AUTS2: variants seen among roughly 807,000 people sequenced by gnomAD.
AUTS2 encodes autism susceptibility gene 2 protein.
AUTS2 carries 17 observed loss-of-function variants against 112.4 expected under a neutral mutation model. The ratio of observed to expected loss-of-function variants is 0.15; its 90% CI spans 0.10 to 0.23. AUTS2 has a LOEUF of 0.23. Ranked by LOEUF, AUTS2 falls within the 10% of genes least tolerant of loss-of-function variation. The pLI is 1.00. For synonymous variants in AUTS2, 751 were observed against 702.7 expected, an observed-to-expected ratio of 1.07 and a Z score of -1.09; for missense variants, 1,510 against 1,701.6, an observed-to-expected ratio of 0.89 and a Z score of 1.98.
rs113574274 is a variant in AUTS2 at position 70,506,071 on chromosome 7, G to A, written c.690+70290G>A. On this transcript the variant is annotated intron_variant, in intron 5 of 18. Transcript: ENST00000342771. Reference sequence around the variant, plus strand: ...TCTCAGGCACAGAGCACTGGAACACGGGGAGCCACGTGATCCCAGGTGCAG... The same window carrying A: ...TCTCAGGCACAGAGCACTGGAACACAGGGAGCCACGTGATCCCAGGTGCAG... Among the ~76,000 whole-genome samples, 662 of 152,304 alleles carry A rather than the reference G, an allele frequency of 4.3e-3. 11 individuals carry two copies. The highest frequency in any genetic ancestry group is 0.015 in the African/African-American group (635 of 41,566).
At chr7:70,747,766 G>T (rs998623169) in intron 6 of AUTS2, among the ~76,000 whole-genome samples, 2 of 150,356 alleles carry the variant, frequency 1.3e-5, no homozygotes, top group African/African-American at 4.9e-5. Context: ...GATTACAGGC[G>T]TGAGCCACTG....
intron 5 of AUTS2, chr7:70,596,023 G>C (rs576255080): frequency 5.9e-5 from 9 of 152,396 alleles, no homozygotes; most frequent in African/African-American, 1.9e-4. Flanking sequence ...CAATCCGCTG[G>C]TGCACTGCAG....
intron 2 of AUTS2, among the ~76,000 whole-genome samples, chr7:69,901,531 T>G (rs1794971198): frequency 6.6e-6 from 1 of 152,204 alleles, no homozygotes; most frequent in Non-Finnish European, 1.5e-5. Context: ...TAGCTTTTGG[T>G]CTTAATGGCC....
chr7:69,858,752 C>T (rs1792848094), intron 1 of AUTS2, among the ~76,000 whole-genome samples: 1 of 152,130 alleles, frequency 6.6e-6, no homozygotes, highest in African/African-American at 2.4e-5. Context: ...TGGGGGTCAG[C>T]CCTGGAATAA....
At chr7:70,151,867 C>T (rs1807459723) in intron 4 of AUTS2, among the ~76,000 whole-genome samples, 1 of 152,016 alleles carries the variant, frequency 6.6e-6, no homozygotes, top group African/African-American at 2.4e-5. Flanking sequence ...ATTCAAGGAA[C>T]CAGGAGAATA....
intron 6 of AUTS2, 102 bp downstream of exon 6, chr7:70,698,722 T>A: frequency 1.1e-6 from 1 of 942,698 alleles, no homozygotes; most frequent in Non-Finnish European, 1.6e-6. Flanking sequence ...TCTCTTATAA[T>A]TCTGAAGCTA....
chr7:70,594,348 C>T (rs1452940407), intron 5 of AUTS2, among the ~76,000 whole-genome samples: 1 of 152,156 alleles, frequency 6.6e-6, no homozygotes, highest in Non-Finnish European at 1.5e-5. Flanking sequence ...GGCCCCACCC[C>T]TAGAGTTTCT....
chr7:70,724,004 G>A (rs1246342408), intron 6 of AUTS2, among the ~76,000 whole-genome samples: 1 of 151,970 alleles, frequency 6.6e-6, no homozygotes, highest in East Asian at 2.0e-4. Context: ...CAGTTCTCCT[G>A]CCTCAGCCTC....
chr7:70,362,351 T>G (rs1792308626), intron 4 of AUTS2, among the ~76,000 whole-genome samples: 1 of 152,060 alleles, frequency 6.6e-6, no homozygotes, highest in Non-Finnish European at 1.5e-5. Flanking sequence ...TTCACTCCCT[T>G]TCCAGACTGT....
chr7:70,108,997 G>A (rs758057575), intron 2 of AUTS2, among the ~76,000 whole-genome samples: 2 of 152,016 alleles, frequency 1.3e-5, no homozygotes, highest in Non-Finnish European at 2.9e-5. Context: ...ATGACAAGGT[G>A]TTCCAGACTC....
At chr7:70,224,352 TACA>T (rs1407992494) in intron 4 of AUTS2, among the ~76,000 whole-genome samples, 2 of 109,070 alleles carry the variant, frequency 1.8e-5, no homozygotes, top group African/African-American at 8.9e-5. Context: ...TACAATACAA[TACA>T]ATACAATACA....
chr7:70,485,128 C>G (rs974908522), intron 5 of AUTS2, among the ~76,000 whole-genome samples: 1 of 152,162 alleles, frequency 6.6e-6, no homozygotes, highest in Non-Finnish European at 1.5e-5. Flanking sequence ...AATCCCACTG[C>G]TTGGTATCTA....
intron 4 of AUTS2, among the ~76,000 whole-genome samples, chr7:70,432,582 G>A (rs1795719024): frequency 1.3e-5 from 2 of 152,312 alleles, no homozygotes; most frequent in South Asian, 4.1e-4. Flanking sequence ...TCCGTCTGGG[G>A]TTGTCAACAA....
intron 18 of AUTS2, among the ~76,000 whole-genome samples, chr7:70,788,020 C>T (rs373052001): frequency 6.6e-6 from 1 of 151,886 alleles, no homozygotes; most frequent in Non-Finnish European, 1.5e-5. Flanking sequence ...TTTTGTTAAC[C>T]GTTGTCTCTG....
In AUTS2 at chr7:69,609,449, C is replaced by T. The variant is rs185286943; in HGVS notation, c.309+9487C>T. Among the ~76,000 whole-genome samples, 13 of 152,246 alleles carry T rather than the reference C, an allele frequency of 8.5e-5. No individual in the cohort carries two copies. The East Asian group carries it at 2.5e-3, about 29-fold the overall frequency. On this transcript the variant is annotated intron_variant, in intron 1 of 18. Transcript: ENST00000342771. ...CATTCATCGTTTTTAAACACTGCCT[C>T]CCACCTCCCTTTTATAAGGATGTAA...
chr7:70,115,751 A>G (rs527320606), intron 2 of AUTS2, among the ~76,000 whole-genome samples: 9 of 152,346 alleles, frequency 5.9e-5, no homozygotes, highest in South Asian at 2.1e-4. Context: ...GCCACATGCA[A>G]ACTTTATTAT....
At chr7:70,684,542 G>GGC (rs1218742278) in intron 5 of AUTS2, among the ~76,000 whole-genome samples, 4 of 150,684 alleles carry the variant, frequency 2.7e-5, no homozygotes, top group Non-Finnish European at 4.4e-5. Context: ...GATGTGGTGT[G>GGC]GTGTGGCGTG....
chr7:70,736,423 C>T (rs1028103612), intron 6 of AUTS2, among the ~76,000 whole-genome samples: 1 of 152,106 alleles, frequency 6.6e-6, no homozygotes, highest in South Asian at 2.1e-4. Flanking sequence ...GACTGGCATG[C>T]TTTATTGCCA....
chr7:70,686,425 T>G (rs1406500707), intron 5 of AUTS2, among the ~76,000 whole-genome samples: 1 of 152,226 alleles, frequency 6.6e-6, no homozygotes, highest in Non-Finnish European at 1.5e-5. Flanking sequence ...TAAGCTAGGA[T>G]TTGAACCCAT....
Sources: gnomAD v4.1 joint callset for allele counts (sites outside exome capture counted in the v4.1 genomes callset) on GRCh38, gnomAD v4.1.1 for gene constraint, MANE v1.5 for transcripts, NCBI Gene and HGNC (gene_info 2026-07-23, HGNC 2026-07-21) for gene names.